FAM20B: variants seen among roughly 807,000 people sequenced by gnomAD.
FAM20B encodes the protein FAM20B glycosaminoglycan xylosylkinase.
A neutral mutation model predicts 43.8 loss-of-function variants in FAM20B; 23 were observed. The observed-to-expected ratio is 0.53, with a 90% CI of 0.38 to 0.74. The LOEUF is 0.74. Among genes scored for constraint, FAM20B ranks in the 30% least tolerant of loss-of-function variants. The probability of loss-of-function intolerance (pLI) is 0.00; values close to 1 mark genes in which losing one functional copy is unlikely to be tolerated. For missense variants in FAM20B, 440 were observed against 510.5 expected (o/e 0.86, Z 1.33); for synonymous variants, 178 against 192.4 (o/e 0.93, Z 0.62).
chr1:179,054,339 T>G (rs951126523), intron 3 of FAM20B, among the ~76,000 whole-genome samples, 190 bp from the exon 4 acceptor site: 2 of 152,204 alleles, frequency 1.3e-5, no homozygotes, highest in Admixed American at 1.3e-4. Context: ...TTTGCTGAAA[T>G]GTATATTAAA....
chr1:179,030,407 T>A (rs1315207989), intron 1 of FAM20B, among the ~76,000 whole-genome samples: 1 of 152,208 alleles, frequency 6.6e-6, no homozygotes, highest in Non-Finnish European at 1.5e-5. Context: ...CTGTCTTGTA[T>A]CATCCTTGGG....
chr1:179,068,908 A>C (rs1228533962), intron 7 of FAM20B, among the ~76,000 whole-genome samples: 1 of 152,196 alleles, frequency 6.6e-6, no homozygotes. Context: ...GCTAGTTTGC[A>C]GGTGCTGAGC....
chr1:179,034,947 C>G (rs1378897820), intron 1 of FAM20B, among the ~76,000 whole-genome samples: 1 of 152,166 alleles, frequency 6.6e-6, no homozygotes. Context: ...CCATAACTTT[C>G]ACTTTTAGTT....
chr1:179,026,925 A>G (rs1183546541), intron 1 of FAM20B, among the ~76,000 whole-genome samples: 1 of 152,192 alleles, frequency 6.6e-6, no homozygotes, highest in African/African-American at 2.4e-5. Context: ...GATTGGAGGG[A>G]AAGTAGGGGT....
intron 2 of FAM20B, among the ~76,000 whole-genome samples, chr1:179,046,015 C>T (rs1038836517): frequency 4.6e-5 from 7 of 152,124 alleles, no homozygotes; most frequent in African/African-American, 1.7e-4. Context: ...ATCCTTTAAA[C>T]CCTTATACGA....
Position 179,075,578 on chromosome 1 carries a change from A to G in FAM20B, c.*3434A>G, listed in dbSNP as rs1429772171. Reference sequence around the variant, plus strand: ...TCTGATTTGCTCAGAGTATTATTCAAGAATGTATTAATAAGGCATTGCCCC... The same window carrying G: ...TCTGATTTGCTCAGAGTATTATTCAGGAATGTATTAATAAGGCATTGCCCC... On this transcript the variant is annotated 3_prime_UTR_variant, in exon 8 of 8. Coordinates refer to ENST00000263733, the MANE Select transcript of FAM20B (RefSeq NM_014864.4). 6.6e-6 allele frequency: 1 copy of G among 152,614 alleles called. No homozygotes were observed. The highest frequency in any genetic ancestry group is 1.5e-5 in the Non-Finnish European group (1 of 68,024). The allele number at this position is 152,614 out of a possible 1,614,324, so 9.5% of individuals were successfully genotyped here.
intron 7 of FAM20B, among the ~76,000 whole-genome samples, chr1:179,069,974 T>C (rs569038013): frequency 1.3e-5 from 2 of 152,306 alleles, no homozygotes; most frequent in African/African-American, 4.8e-5. Flanking sequence ...ATAAAAGATA[T>C]GCTATAGTTG....
upstream of FAM20B, among the ~76,000 whole-genome samples, chr1:179,024,390 A>G (rs1187933910): frequency 6.6e-6 from 1 of 152,212 alleles, no homozygotes; most frequent in Non-Finnish European, 1.5e-5. Context: ...ATCCTTTTGG[A>G]TAAAGTGTCT....
In FAM20B at chr1:179,075,138, G is replaced by A. The variant is rs1025647111; in HGVS notation, c.*2994G>A. 2.6e-5 allele frequency: 4 copies of A among 152,016 alleles called. No individual in the cohort carries two copies. The highest frequency in any genetic ancestry group is 6.6e-5 in the Admixed American group (1 of 15,262). 9.4% of individuals were successfully genotyped at this position (152,016 alleles called of 1,614,324 possible). On this transcript the variant is annotated 3_prime_UTR_variant, in exon 8 of 8. Coordinates refer to ENST00000263733, the MANE Select transcript of FAM20B (RefSeq NM_014864.4). ...ATCCAGGAGGCGAAGGTTGCAGTGA[G>A]CTGAGATTGTGCTGCTGCACTCCAG... is the stretch of plus-strand genomic sequence containing the variant.
At chr1:179,063,131 G>A (rs145556854) in intron 4 of FAM20B, among the ~76,000 whole-genome samples, 72 of 152,224 alleles carry the variant, frequency 4.7e-4, no homozygotes, top group African/African-American at 1.5e-3. Context: ...ACAAAAATTA[G>A]CCAAGCATGG....
chr1:179,071,139 CA>C (rs1278741644), intron 7 of FAM20B, among the ~76,000 whole-genome samples: 3 of 151,558 alleles, frequency 2.0e-5, no homozygotes, highest in Admixed American at 6.6e-5. Context: ...CTAAAAAATA[CA>C]AAAAAATTAG....
intron 2 of FAM20B, among the ~76,000 whole-genome samples, chr1:179,048,219 A>G (rs1650862007): frequency 2.0e-5 from 3 of 152,202 alleles, no homozygotes; most frequent in African/African-American, 7.2e-5. Context: ...GAGTAATCTC[A>G]GGAAGTACTA....
chr1:179,053,275 A>G (rs776231383), intron 3 of FAM20B, among the ~76,000 whole-genome samples: 6 of 152,050 alleles, frequency 3.9e-5, no homozygotes, highest in Admixed American at 2.0e-4. Flanking sequence ...GCAATTTTCA[A>G]TGGGAAGAAA....
At chr1:179,062,853 C>A (rs1343399765) in intron 4 of FAM20B, among the ~76,000 whole-genome samples, 1 of 152,292 alleles carries the variant, frequency 6.6e-6, no homozygotes, top group East Asian at 1.9e-4. Context: ...TCCTCTATAC[C>A]TACCCCTCTA....
chr1:179,040,753 G>C (rs1360358955), intron 1 of FAM20B, among the ~76,000 whole-genome samples: 2 of 147,426 alleles, frequency 1.4e-5, no homozygotes, highest in African/African-American at 5.0e-5. Context: ...GCCTGGCGGG[G>C]GCTGACCCCC....
At chr1:179,054,776 T>C (rs896329075) in intron 4 of FAM20B, 138 bp downstream of exon 4, 3 of 494,804 alleles carry the variant, frequency 6.1e-6, no homozygotes, top group East Asian at 6.1e-5. Context: ...CAACCAGCTC[T>C]CAGGTTATTT....
At chr1:179,066,722 T>C (rs1215994684) in intron 6 of FAM20B, 78 bp from the exon 7 acceptor site, 20 of 944,394 alleles carry the variant, frequency 2.1e-5, no homozygotes, top group South Asian at 9.5e-5. Flanking sequence ...GAGTTTCATA[T>C]AGAATTTGCT....
chr1:179,031,040 G>A (rs1476054302), intron 1 of FAM20B, among the ~76,000 whole-genome samples: 5 of 152,132 alleles, frequency 3.3e-5, no homozygotes, highest in East Asian at 1.9e-4. Flanking sequence ...TCAGCTTGAC[G>A]TACCATAGAA....
chr1:179,065,177 G>A (rs1233055519), intron 6 of FAM20B, among the ~76,000 whole-genome samples: 6 of 151,268 alleles, frequency 4.0e-5, no homozygotes, highest in Non-Finnish European at 8.8e-5. Flanking sequence ...TTGAGACGGA[G>A]TTTTGCTCTG....
Sources: gnomAD v4.1 joint callset for allele counts (sites outside exome capture counted in the v4.1 genomes callset) on GRCh38, gnomAD v4.1.1 for gene constraint, MANE v1.5 for transcripts, NCBI Gene and HGNC (gene_info 2026-07-23, HGNC 2026-07-21) for gene names.